Variants in SLC41A2 observed in about 807,000 individuals in gnomAD.
SLC41A2 encodes solute carrier family 41 member 2, also known as SLC41A1-like 1.
In SLC41A2, 32 loss-of-function variants were observed where a neutral mutation model predicts 58.3. That is an observed-to-expected ratio of 0.55 (90% CI 0.41 to 0.74). The LOEUF (loss-of-function observed/expected upper bound fraction) is 0.74, where lower values mean the gene tolerates loss of function less well. Ranked by LOEUF, SLC41A2 falls within the 30% of genes least tolerant of loss-of-function variation. The pLI, the probability that SLC41A2 is intolerant of heterozygous loss-of-function variation, is 0.00. For synonymous variants in SLC41A2, 190 were observed against 235.0 expected (o/e 0.81, Z 1.75); for missense variants, 514 against 680.6 (o/e 0.76, Z 2.72).
intron 3 of SLC41A2, among the ~76,000 whole-genome samples, chr12:104,907,825 G>C (rs777696803): frequency 5.3e-5 from 8 of 152,190 alleles, no homozygotes; most frequent in Non-Finnish European, 8.8e-5. Flanking sequence ...AAAGCAGTTA[G>C]CAAAGGACCT....
At chr12:104,906,463 G>T (rs970278697) in intron 3 of SLC41A2, among the ~76,000 whole-genome samples, 1 of 152,056 alleles carries the variant, frequency 6.6e-6, no homozygotes, top group African/African-American at 2.4e-5. Flanking sequence ...AAGGGAATTG[G>T]GGCAGGCCTC....
chr12:104,805,353 A>C lies in SLC41A2; in HGVS notation c.1537-16T>G, dbSNP rs2040854381. 1 of 1,605,894 alleles carries C rather than the reference A, an allele frequency of 6.2e-7. No homozygotes were observed. Among genetic ancestry groups the C allele is most frequent in the Admixed American group, 1.7e-5 (1 of 59,022 alleles). On this transcript the variant is annotated splice_polypyrimidine_tract_variant and intron_variant, in intron 10 of 10. Coordinates refer to ENST00000258538, the MANE Select transcript of SLC41A2 (RefSeq NM_001352171.3). Reference sequence around the variant, plus strand: ...AGGTAAATACCTAGAAGAGAACAACAGAGATTACTCCGGCTGCCTGGACAT... The same window carrying C: ...AGGTAAATACCTAGAAGAGAACAACCGAGATTACTCCGGCTGCCTGGACAT...
At chr12:104,877,011 T>C (rs1390270973) in intron 6 of SLC41A2, among the ~76,000 whole-genome samples, 1 of 152,230 alleles carries the variant, frequency 6.6e-6, no homozygotes, top group Non-Finnish European at 1.5e-5. Context: ...TCTTGATGAA[T>C]TGAGACCATA....
chr12:104,820,580 C>T (rs991452681), intron 10 of SLC41A2, among the ~76,000 whole-genome samples: 10 of 152,088 alleles, frequency 6.6e-5, no homozygotes, highest in East Asian at 1.9e-4. Flanking sequence ...TCATATTTAA[C>T]GTTTTAAATA....
At chr12:104,820,259 A>G (rs1173338642) in intron 10 of SLC41A2, among the ~76,000 whole-genome samples, 1 of 152,220 alleles carries the variant, frequency 6.6e-6, no homozygotes, top group Non-Finnish European at 1.5e-5. Flanking sequence ...TGAAACCAGT[A>G]GTTTGAGACC....
intron 6 of SLC41A2, among the ~76,000 whole-genome samples, chr12:104,879,584 T>G (rs556137872): frequency 3.3e-5 from 5 of 152,194 alleles, no homozygotes; most frequent in Non-Finnish European, 5.9e-5. Context: ...TTTGTCAGGT[T>G]TGTCAAAGAT....
intron 5 of SLC41A2, among the ~76,000 whole-genome samples, chr12:104,887,527 C>G (rs965809396): frequency 2.4e-4 from 37 of 151,652 alleles, no homozygotes; most frequent in African/African-American, 7.5e-4. Context: ...CTTACCTTTC[C>G]CATAATATCA....
chr12:104,829,968 C>T (rs1056358412), intron 10 of SLC41A2, among the ~76,000 whole-genome samples: 3 of 152,254 alleles, frequency 2.0e-5, no homozygotes, highest in Non-Finnish European at 4.4e-5. Context: ...TGAGTACTTG[C>T]GACAAAGACT....
intron 2 of SLC41A2, among the ~76,000 whole-genome samples, chr12:104,923,510 T>TA (rs964321703): frequency 6.0e-5 from 9 of 150,908 alleles, no homozygotes; most frequent in Non-Finnish European, 1.3e-4. Context: ...AAATTCAGAC[T>TA]AAAAAAATAC....
In SLC41A2 at chr12:104,805,050, T is replaced by G. The variant is rs1164538690; in HGVS notation, c.*102A>C. 14 of 1,066,606 alleles carry G rather than the reference T, an allele frequency of 1.3e-5. No individual in the cohort carries two copies. Among genetic ancestry groups the G allele is most frequent in the Non-Finnish European group, 1.8e-5 (14 of 760,330 alleles). The allele number at this position is 1,066,606 out of a possible 1,614,324, so 66.1% of individuals were successfully genotyped here. A position where few individuals can be genotyped will look rare whatever the true frequency, so the allele number is the denominator to read the frequency against. ...AATCAGGGCCAACTGAAGATTACCCTGGCAAAAGTCAAACTACTGATTTAA... is the reference window on the plus strand; with the variant it reads ...AATCAGGGCCAACTGAAGATTACCCGGGCAAAAGTCAAACTACTGATTTAA... On this transcript the variant is annotated 3_prime_UTR_variant, in exon 11 of 11. Transcript: ENST00000258538.
At chr12:104,869,975 T>C (rs2043678328) in intron 6 of SLC41A2, among the ~76,000 whole-genome samples, 1 of 152,352 alleles carries the variant, frequency 6.6e-6, no homozygotes, top group Admixed American at 6.5e-5. Flanking sequence ...AATAATATTT[T>C]GTATTAAAAT....
At chr12:104,806,479 G>C (rs1033810531) in intron 10 of SLC41A2, among the ~76,000 whole-genome samples, 2 of 152,114 alleles carry the variant, frequency 1.3e-5, no homozygotes, top group East Asian at 1.9e-4. Flanking sequence ...GGACATTTGG[G>C]TTGGTTCCAA....
chr12:104,874,625 T>A (rs1260144327), intron 6 of SLC41A2, among the ~76,000 whole-genome samples: 1 of 152,332 alleles, frequency 6.6e-6, no homozygotes, highest in East Asian at 1.9e-4. Context: ...CTTTCCCAAT[T>A]GTGTCTTCTT....
rs1231440186 is a variant in SLC41A2 at position 104,897,143 on chromosome 12, T to TC, written c.664-1799dup. Among the ~76,000 whole-genome samples the TC allele has an allele frequency of 3.6e-4, 43 of 120,398 alleles. 1 individual carries two copies. Among genetic ancestry groups the TC allele is most frequent in the Non-Finnish European group, 5.9e-4 (33 of 56,134 alleles). The allele number at this position is 120,398 out of a possible 152,430, so 79.0% of individuals were successfully genotyped here. A position where few individuals can be genotyped will look rare whatever the true frequency, so the allele number is the denominator to read the frequency against. On this transcript the variant is annotated intron_variant, in intron 3 of 10. Transcript: ENST00000258538. ...AACCCAGAGTGACACTTTTCTTTTT[T>TC]CTTTTTTTTTTTTTTTTTTTGAGAC...
In SLC41A2 at chr12:104,803,509, T is replaced by C. The variant is rs766142614; in HGVS notation, c.*1643A>G. ...AGCTTAACAAGAATACTTTCTGCAA[T>C]ATATTTATAAACAACCTAATATTTA... On this transcript the variant is annotated 3_prime_UTR_variant, in exon 11 of 11. Coordinates refer to ENST00000258538, the MANE Select transcript of SLC41A2 (RefSeq NM_001352171.3). The C allele has an allele frequency of 6.6e-6, 1 of 152,162 alleles. No individual in the cohort carries two copies. Among genetic ancestry groups the C allele is most frequent in the Non-Finnish European group, 1.5e-5 (1 of 68,022 alleles). The allele number at this position is 152,162 out of a possible 1,614,324, so 9.4% of individuals were successfully genotyped here.
intron 8 of SLC41A2, among the ~76,000 whole-genome samples, chr12:104,848,937 T>C (rs1326478665): frequency 6.6e-6 from 1 of 151,606 alleles, no homozygotes; most frequent in Non-Finnish European, 1.5e-5. Flanking sequence ...ATCTGACATA[T>C]GACAAAGGAG....
intron 2 of SLC41A2, among the ~76,000 whole-genome samples, chr12:104,913,665 T>C (rs183047317): frequency 6.6e-6 from 1 of 152,350 alleles, no homozygotes; most frequent in African/African-American, 2.4e-5. Flanking sequence ...TGTCTGTTTC[T>C]GGCTTCTGGC....
intron 8 of SLC41A2, among the ~76,000 whole-genome samples, chr12:104,857,526 T>G (rs2043060923): frequency 6.6e-6 from 1 of 152,136 alleles, no homozygotes. Flanking sequence ...GGATTATAAA[T>G]CATGCTGCTA....
intron 10 of SLC41A2, among the ~76,000 whole-genome samples, chr12:104,821,202 T>G (rs963928081): frequency 1.3e-5 from 2 of 152,158 alleles, no homozygotes; most frequent in Non-Finnish European, 2.9e-5. Context: ...TATTTTACAT[T>G]ACATATATAG....
Sources: allele counts gnomAD v4.1 joint callset (sites outside exome capture counted in the v4.1 genomes callset), GRCh38; gene constraint gnomAD v4.1.1; transcripts MANE v1.5; gene names NCBI Gene and HGNC (gene_info 2026-07-23, HGNC 2026-07-21).